TEX264: variants seen among roughly 807,000 people sequenced by gnomAD.
The protein encoded by TEX264 is testis expressed 264, ER-phagy receptor, also known as testis-expressed protein 264.
A neutral mutation model predicts 23.4 loss-of-function variants in TEX264; 13 were observed. The observed-to-expected ratio is 0.56, with a 90% CI of 0.36 to 0.88. TEX264 has a LOEUF of 0.88. TEX264 is among the 40% of genes least tolerant of loss of function. The pLI, the probability that TEX264 is intolerant of heterozygous loss-of-function variation, is 0.01. For missense variants in TEX264, 340 were observed against 406.8 expected (o/e 0.84, Z 1.41); for synonymous variants, 159 against 170.0 (o/e 0.94, Z 0.50).
chr3:51,678,912 G>A (rs113495505), intron 2 of TEX264, among the ~76,000 whole-genome samples: 208 of 152,330 alleles, frequency 1.4e-3, no homozygotes, highest in African/African-American at 4.6e-3. Flanking sequence ...ATGGGAATGT[G>A]GGCTGGGATG....
intron 2 of TEX264, among the ~76,000 whole-genome samples, chr3:51,678,380 G>A (rs1259759830): frequency 1.3e-5 from 2 of 152,154 alleles, no homozygotes; most frequent in Non-Finnish European, 2.9e-5. Flanking sequence ...TGCCAGGCTG[G>A]CTCTCTACCT....
chr3:51,684,371 C>T (rs1327852914), intron 2 of TEX264, 42 bp from the exon 3 acceptor site: 2 of 1,595,848 alleles, frequency 1.3e-6, no homozygotes, highest in Non-Finnish European at 1.7e-6. Flanking sequence ...TGAGGGCCTC[C>T]TTCCTTTGGC....
chr3:51,674,437 A>T lies in TEX264; in HGVS notation c.133A>T (p.Asn45Tyr). The T allele has an allele frequency of 1.2e-6, 2 of 1,614,134 alleles. No individual in the cohort carries two copies. The highest frequency in any genetic ancestry group is 1.7e-6 in the Non-Finnish European group (2 of 1,180,014). The part of the protein sequence containing the change: ...EVSAGSPPIR[N>Y]VTVAYKFHMG... ...GAGTGCTGGGTCACCCCCCATCCGC[A>T]ACGTCACTGTGGCCTACAAGTTCCA... The change falls in exon 2 of 5, where the codon AAC becomes TAC. Residue 45 changes from asparagine (N) to tyrosine (Y), a missense_variant. Transcript: ENST00000341333.
At chr3:51,702,487 CCT>C (rs1479705507) in intron 4 of TEX264, among the ~76,000 whole-genome samples, 1 of 152,166 alleles carries the variant, frequency 6.6e-6, no homozygotes. Flanking sequence ...CAAATTCCCC[CCT>C]CTCCTAATTC....
At chr3:51,695,385 G>A (rs1197951659) in intron 3 of TEX264, among the ~76,000 whole-genome samples, 1 of 152,216 alleles carries the variant, frequency 6.6e-6, no homozygotes, top group East Asian at 1.9e-4. Flanking sequence ...CAGCCTCTGG[G>A]TAGCCTGGGA....
intron 3 of TEX264, among the ~76,000 whole-genome samples, chr3:51,689,299 G>A (rs545913785): frequency 8.6e-5 from 13 of 151,878 alleles, no homozygotes; most frequent in South Asian, 2.1e-4. Context: ...GCGTGGTGGC[G>A]TGCACCTGTG....
At chr3:51,673,837 T>C (rs573759487) in intron 1 of TEX264, among the ~76,000 whole-genome samples, 1 of 152,162 alleles carries the variant, frequency 6.6e-6, no homozygotes, top group South Asian at 2.1e-4. Flanking sequence ...TCCCTGAGGC[T>C]TGGGGAGGCT....
intron 3 of TEX264, among the ~76,000 whole-genome samples, chr3:51,690,696 T>C (rs1354767580): frequency 6.6e-6 from 1 of 152,144 alleles, no homozygotes; most frequent in Non-Finnish European, 1.5e-5. Context: ...AGGGAGGCCC[T>C]CTTGGCATCT....
intron 2 of TEX264, chr3:51,681,426 C>T (rs1280918926): frequency 6.6e-6 from 1 of 152,218 alleles, no homozygotes; most frequent in Non-Finnish European, 1.5e-5. Context: ...AACACCTGCT[C>T]CCTGGTGGGT....
chr3:51,702,706 C>G (rs1384898217), intron 4 of TEX264, among the ~76,000 whole-genome samples: 1 of 152,234 alleles, frequency 6.6e-6, no homozygotes, highest in East Asian at 1.9e-4. Context: ...CACTTTCTCC[C>G]AGTCTGGATT....
intron 4 of TEX264, among the ~76,000 whole-genome samples, chr3:51,701,866 A>G (rs535953785): frequency 8.5e-5 from 13 of 152,162 alleles, no homozygotes; most frequent in African/African-American, 3.1e-4. Context: ...TCCTGACCTC[A>G]TGTGATCCAC....
chr3:51,703,676 G>C lies in TEX264; in HGVS notation c.650-48G>C. ...GCTGAGTTGCCTCTCCCTGGAGGAG[G>C]GGGTGGGGTGGTCCTAGCTAACCTG... On this transcript the variant is annotated intron_variant, in intron 4 of 4. Coordinates refer to ENST00000341333, the MANE Select transcript of TEX264 (RefSeq NM_015926.6). This position sits in a 1 kb window ranked among gnomAD's most constrained non-coding sequence, Gnocchi z 4.8. 1 of 1,528,440 alleles carries C rather than the reference G, an allele frequency of 6.5e-7. No homozygotes were observed. Among genetic ancestry groups the C allele is most frequent in the Non-Finnish European group, 8.8e-7 (1 of 1,130,676 alleles). The allele number at this position is 1,528,440 out of a possible 1,614,324, so 94.7% of individuals were successfully genotyped here.
chr3:51,695,067 G>T (rs1577526530), intron 3 of TEX264, among the ~76,000 whole-genome samples: 1 of 152,252 alleles, frequency 6.6e-6, no homozygotes, highest in South Asian at 2.1e-4. Context: ...GTGCAGGCAG[G>T]TGCATGTTGG....
intron 3 of TEX264, among the ~76,000 whole-genome samples, chr3:51,697,797 G>T (rs535031571): frequency 6.6e-6 from 1 of 152,324 alleles, no homozygotes; most frequent in East Asian, 1.9e-4. Flanking sequence ...TATGTGAGTG[G>T]GTAGAGAAGC....
chr3:51,673,139 G>A (rs1017577386), intron 1 of TEX264, among the ~76,000 whole-genome samples: 9 of 152,188 alleles, frequency 5.9e-5, no homozygotes, highest in Non-Finnish European at 1.3e-4. Context: ...ACAGAGCTAA[G>A]TATTCCACAA....
At chr3:51,673,741 C>T (rs908993377) in intron 1 of TEX264, among the ~76,000 whole-genome samples, 1 of 152,152 alleles carries the variant, frequency 6.6e-6, no homozygotes, top group African/African-American at 2.4e-5. Context: ...GCACATTTTT[C>T]CTCACAAGTT....
intron 3 of TEX264, among the ~76,000 whole-genome samples, chr3:51,698,380 T>C (rs1297921846): frequency 1.3e-5 from 2 of 152,110 alleles, no homozygotes; most frequent in East Asian, 3.9e-4. Flanking sequence ...AATAGTCGTG[T>C]TGTGAAGATT....
At chr3:51,698,877 A>G (rs1703171245) in intron 3 of TEX264, among the ~76,000 whole-genome samples, 1 of 152,312 alleles carries the variant, frequency 6.6e-6, no homozygotes, top group Admixed American at 6.5e-5. Context: ...CTATAGTAGC[A>G]TGTCTGCAAG....
In TEX264 at chr3:51,692,080, C is replaced by T. The variant is rs548831020; in HGVS notation, c.481-7326C>T. ...AGCACAAAGCCAGCCTTTGCTAGGGCGGCGTGGGAGCCACCACTCTCAAAA... is the reference window on the plus strand; with the variant it reads ...AGCACAAAGCCAGCCTTTGCTAGGGTGGCGTGGGAGCCACCACTCTCAAAA... On this transcript the variant is annotated intron_variant, in intron 3 of 4. Transcript: ENST00000341333. Among the ~76,000 whole-genome samples, 40 of 152,314 alleles carry T rather than the reference C, an allele frequency of 2.6e-4. 1 individual carries two copies. Among genetic ancestry groups the T allele is most frequent in the East Asian group, 3.9e-4 (2 of 5,184 alleles).
Sources: gnomAD v4.1 joint callset for allele counts (sites outside exome capture counted in the v4.1 genomes callset) on GRCh38, gnomAD v4.1.1 for gene constraint, Gnocchi (gnomAD v3.1) non-coding constraint, MANE v1.5 for transcripts, NCBI Gene and HGNC (gene_info 2026-07-23, HGNC 2026-07-21) for gene names.